SSX1: variants seen among roughly 807,000 people sequenced by gnomAD.
SSX1 encodes the protein SSX family member 1.
A neutral mutation model predicts 14.6 loss-of-function variants in SSX1; 58 were observed. The observed-to-expected ratio is 3.96, with a 90% CI of 3.21 to 4.93. The LOEUF (loss-of-function observed/expected upper bound fraction) is 4.93. Ranked by LOEUF, SSX1 falls within the 30% of genes most tolerant of loss-of-function variation. The pLI, the probability that SSX1 is intolerant of heterozygous loss-of-function variation, is 0.00. For missense variants in SSX1, 272 were observed against 143.1 expected (o/e 1.90, Z -4.60); for synonymous variants, 46 against 52.1 (o/e 0.88, Z 0.50).
At chrX:48,259,815 T>C (rs1326766332) in intron 4 of SSX1, among the ~76,000 whole-genome samples, 2 of 107,045 alleles carry the variant, frequency 1.9e-5, no homozygotes, top group African/African-American at 6.8e-5. Flanking sequence ...TATTCCATGG[T>C]GTATATGTGC....
intron 4 of SSX1, among the ~76,000 whole-genome samples, chrX:48,261,538 G>T (rs2059603730): frequency 1.8e-5 from 2 of 112,208 alleles, no homozygotes; most frequent in Admixed American, 1.9e-4. Flanking sequence ...AGACTGTGAT[G>T]GGATTTAACC....
In SSX1 at chrX:48,266,948, A is replaced by G. The variant is rs1411933183; in HGVS notation, c.*99A>G. On this transcript the variant is annotated 3_prime_UTR_variant, in exon 8 of 8. Transcript: ENST00000376919. Reference sequence around the variant, plus strand: ...CTGCGGCTCCCTCGTCATCAGGTGCATAGCAAGTGAAAGCAAGTGTTCACA... The same window carrying G: ...CTGCGGCTCCCTCGTCATCAGGTGCGTAGCAAGTGAAAGCAAGTGTTCACA... The G allele has an allele frequency of 1.2e-5, 11 of 938,373 alleles. No individual in the cohort carries two copies. The Admixed American group carries it at 2.0e-4, about 17-fold the overall frequency. The allele number at this position is 938,373 out of a possible 1,213,427, so 77.3% of individuals were successfully genotyped here.
In SSX1 at chrX:48,258,605, A is replaced by T; in HGVS notation, c.254A>T (p.Asp85Val). Reference sequence around the variant, plus strand: ...ACAGACTTCCAGGGGAATGATTTTGATAATGACCATAACCGCAGGATTCAG... The same window carrying T: ...ACAGACTTCCAGGGGAATGATTTTGTTAATGACCATAACCGCAGGATTCAG... Reference protein sequence around the residue: ...QATDFQGNDFDNDHNRRIQVE... With the variant: ...QATDFQGNDFVNDHNRRIQVE... The change falls in exon 4 of 8, where the codon GAT (aspartate) becomes GTT (valine). Residue 85 changes from aspartate to valine, a missense_variant. Transcript: ENST00000376919. The T allele has an allele frequency of 8.3e-7, 1 of 1,206,770 alleles. No homozygotes were observed. The highest frequency in any genetic ancestry group is 1.1e-6 in the Non-Finnish European group (1 of 891,597).
rs1569451621 is a variant in SSX1, at chrX:48,261,842, C to CAGAGA, written c.330+29_330+33dup. ...TGAGTATCTCTCAAATCTAAAGGAC[C>CAGAGA]AGAGAACCTTTTTCCTTTCATGGAT... is the stretch of plus-strand genomic sequence containing the variant. On this transcript the variant is annotated intron_variant, in intron 5 of 7. Coordinates refer to ENST00000376919, the MANE Select transcript of SSX1 (RefSeq NM_005635.4). 2.5e-6 allele frequency: 3 copies of CAGAGA among 1,205,026 alleles called. No homozygotes were observed. In the Admixed American group the frequency reaches 6.6e-5, roughly 26 times the overall value.
intron 4 of SSX1, among the ~76,000 whole-genome samples, chrX:48,258,927 G>A (rs1336344716): frequency 9.0e-6 from 1 of 111,152 alleles, no homozygotes; most frequent in Non-Finnish European, 1.9e-5. Context: ...GCGGGGGCAG[G>A]GATTGGTGAG....
Position 48,263,921 on chromosome X carries a change from A to G in SSX1, c.466+4A>G. 8.3e-7 allele frequency: 1 copy of G among 1,209,847 alleles called. No individual in the cohort carries two copies. Among genetic ancestry groups the G allele is most frequent in the South Asian group, 1.8e-5 (1 of 56,613 alleles). ...GAGAAGATTAATAAGAGATCTGGTA[A>G]GAGGAAATGATTTGGGAACAACTTC... On this transcript the variant is annotated splice_donor_region_variant and intron_variant, in intron 6 of 7. Transcript: ENST00000376919.
chrX:48,259,883 G>A (rs1227337264), intron 4 of SSX1, among the ~76,000 whole-genome samples: 1 of 104,343 alleles, frequency 9.6e-6, no homozygotes, highest in Non-Finnish European at 2.0e-5. Context: ...CCAAGTCTTT[G>A]CTATTGTGAA....
rs1556936413 is a variant in SSX1, at chrX:48,266,299, G to A, written c.479G>A (p.Gly160Glu). Reference protein sequence around the residue: ...KINKRSGPKRGKHAWTHRLRE... With the variant: ...KINKRSGPKREKHAWTHRLRE... ...TTCTCCATCATAGGACCCAAAAGGG[G>A]GAAACATGCCTGGACCCACAGACTG... The change falls in exon 7 of 8, where the codon GGG becomes GAG. Residue 160 changes from glycine to glutamate, a missense_variant. Transcript: ENST00000376919. The A allele has an allele frequency of 1.3e-5, 16 of 1,207,796 alleles. No homozygotes were observed. Among genetic ancestry groups the A allele is most frequent in the Admixed American group, 6.6e-5 (3 of 45,635 alleles).
rs1569451617 is a variant in SSX1, at chrX:48,261,834, T to C, written c.330+19T>C. On this transcript the variant is annotated intron_variant, in intron 5 of 7. Coordinates refer to ENST00000376919, the MANE Select transcript of SSX1 (RefSeq NM_005635.4). ...CCCGAAGGTGAGTATCTCTCAAATCTAAAGGACCAGAGAACCTTTTTCCTT... is the reference window on the plus strand; with the variant it reads ...CCCGAAGGTGAGTATCTCTCAAATCCAAAGGACCAGAGAACCTTTTTCCTT... 8.3e-7 allele frequency: 1 copy of C among 1,208,403 alleles called. No individual in the cohort carries two copies.
In SSX1 at chrX:48,263,801, C is replaced by T. The variant is rs782275685; in HGVS notation, c.350C>T (p.Ala117Val). Reference sequence around the variant, plus strand: ...ATAAAGATCATGCCCAAGAAGCCAGCAGAGGACGAAAATGATTCGAAGGGA... The same window carrying T: ...ATAAAGATCATGCCCAAGAAGCCAGTAGAGGACGAAAATGATTCGAAGGGA... Reference protein sequence around the residue: ...IIPKIMPKKPAEDENDSKGVS... With the variant: ...IIPKIMPKKPVEDENDSKGVS... The change falls in exon 6 of 8, where the codon GCA becomes GTA. Residue 117 changes from alanine to valine, a missense_variant. By Grantham distance (64) the Ala-to-Val change is moderately conservative (BLOSUM62 0). Coordinates refer to ENST00000376919, the MANE Select transcript of SSX1 (RefSeq NM_005635.4). The T allele has an allele frequency of 2.1e-5, 26 of 1,209,666 alleles. No homozygotes were observed. Among genetic ancestry groups the T allele is most frequent in the Non-Finnish European group, 2.9e-5 (26 of 895,075 alleles).
chrX:48,259,677 C>G (rs1240575207), intron 4 of SSX1, among the ~76,000 whole-genome samples: 1 of 110,756 alleles, frequency 9.0e-6, no homozygotes, highest in Non-Finnish European at 1.9e-5. Context: ...GTTCAATTCC[C>G]ACCTATGAGT....
chrX:48,265,625 A>G (rs1556936262), intron 6 of SSX1, among the ~76,000 whole-genome samples: 1 of 111,756 alleles, frequency 8.9e-6, no homozygotes, highest in Non-Finnish European at 1.9e-5. Flanking sequence ...TTAATCGTAC[A>G]TTTAAAAATA....
At chrX:48,266,711 A>G in intron 7 of SSX1, 143 bp from the exon 8 acceptor site, 1 of 511,694 alleles carries the variant, frequency 2.0e-6, no homozygotes, top group Non-Finnish European at 3.3e-6. Context: ...GTTCACTTCG[A>G]GGAACCATGG....
At chrX:48,261,707 C>T in intron 4 of SSX1, 59 bp from the exon 5 acceptor site, 2 of 1,165,305 alleles carry the variant, frequency 1.7e-6, no homozygotes, top group East Asian at 3.0e-5. Context: ...CAACGGAAGT[C>T]TCTCCAGAGT....
At chrX:48,257,623 A>G (rs1157072907) in intron 2 of SSX1, 123 bp from the exon 3 acceptor site, 2 of 1,155,867 alleles carry the variant, frequency 1.7e-6, no homozygotes, top group Non-Finnish European at 2.3e-6. Context: ...TCAGTTAGCC[A>G]TGGCATCAAC....
chrX:48,264,592 A>G (rs1402150479), intron 6 of SSX1, among the ~76,000 whole-genome samples: 2 of 112,229 alleles, frequency 1.8e-5, no homozygotes, highest in African/African-American at 6.5e-5. Flanking sequence ...CTGCTGGCTG[A>G]TCAAGGTGGT....
In SSX1 at chrX:48,267,418, A is replaced by G. The variant is rs182410233; in HGVS notation, c.*569A>G. Reference sequence around the variant, plus strand: ...TCCGATTCCCCTGTATCAGTCACTGACAGTTAATAAACCTTTGCAAACGTT... The same window carrying G: ...TCCGATTCCCCTGTATCAGTCACTGGCAGTTAATAAACCTTTGCAAACGTT... On this transcript the variant is annotated 3_prime_UTR_variant, in exon 8 of 8. Coordinates refer to ENST00000376919, the MANE Select transcript of SSX1 (RefSeq NM_005635.4). The G allele has an allele frequency of 6.3e-6, 1 of 158,038 alleles. No homozygotes were observed. The highest frequency in any genetic ancestry group is 1.2e-5 in the Non-Finnish European group (1 of 81,230). The allele number at this position is 158,038 out of a possible 1,213,427, so 13.0% of individuals were successfully genotyped here.
intron 5 of SSX1, 48 bp from the exon 6 acceptor site, chrX:48,263,734 A>G (rs782025227): frequency 1.4e-5 from 17 of 1,205,507 alleles, no homozygotes; most frequent in Non-Finnish European, 1.9e-5. Flanking sequence ...CTAAAGCACT[A>G]TAGAAATGTC....
chrX:48,267,136 G>A lies in SSX1; in HGVS notation c.*287G>A, dbSNP rs782650340. The A allele has an allele frequency of 1.1e-5, 4 of 374,887 alleles. No homozygotes were observed. Among genetic ancestry groups the A allele is most frequent in the Admixed American group, 4.3e-5 (1 of 23,080 alleles). The allele number at this position is 374,887 out of a possible 1,213,427, so 30.9% of individuals were successfully genotyped here. ...TCGGTTTGTGTATCCATGCACCTAC[G>A]TCAGAAAACAAGTATTGTCAGGTAT... On this transcript the variant is annotated 3_prime_UTR_variant, in exon 8 of 8. Coordinates refer to ENST00000376919, the MANE Select transcript of SSX1 (RefSeq NM_005635.4).
Sources: gnomAD v4.1 joint callset for allele counts (sites outside exome capture counted in the v4.1 genomes callset) on GRCh38, gnomAD v4.1.1 for gene constraint, MANE v1.5 for transcripts, NCBI Gene and HGNC (gene_info 2026-07-23, HGNC 2026-07-21) for gene names.